Variants in POU6F2 observed in about 807,000 individuals in gnomAD.
POU6F2 encodes POU domain, class 6, transcription factor 2.
POU6F2 carries 31 observed loss-of-function variants against 71.3 expected under a neutral mutation model. The ratio of observed to expected loss-of-function variants is 0.43; its 90% CI spans 0.33 to 0.59. The LOEUF (loss-of-function observed/expected upper bound fraction) is 0.59. POU6F2 is among the 20% of genes least tolerant of loss of function. The pLI is 0.04. For synonymous variants in POU6F2, 347 were observed against 355.7 expected (o/e 0.98, Z 0.27); for missense variants, 783 against 856.8 (o/e 0.91, Z 1.07).
intron 2 of POU6F2, among the ~76,000 whole-genome samples, chr7:39,187,910 A>G (rs1482828747): frequency 6.6e-6 from 1 of 152,208 alleles, no homozygotes; most frequent in Non-Finnish European, 1.5e-5. Flanking sequence ...CATATTAGCC[A>G]TATGAGTCTT....
At chr7:39,347,379 G>T (rs1051002970) in intron 5 of POU6F2, among the ~76,000 whole-genome samples, 2 of 152,156 alleles carry the variant, frequency 1.3e-5, no homozygotes, top group African/African-American at 4.8e-5. Flanking sequence ...GCTAATAATT[G>T]CATGTCAGTT....
chr7:39,408,268 T>C (rs1018025228), intron 6 of POU6F2, among the ~76,000 whole-genome samples: 1 of 152,240 alleles, frequency 6.6e-6, no homozygotes, highest in Non-Finnish European at 1.5e-5. Context: ...CCGACAGATA[T>C]TTCCTTCTGA....
At chr7:39,219,414 T>C (rs528079276) in intron 4 of POU6F2, among the ~76,000 whole-genome samples, 151 of 152,286 alleles carry the variant, frequency 9.9e-4, no homozygotes, top group African/African-American at 3.4e-3. Context: ...TTTGAGTCCT[T>C]TTTTCCCTTC....
At chr7:39,033,074 A>G (rs1048261742) in intron 1 of POU6F2, among the ~76,000 whole-genome samples, 1 of 152,214 alleles carries the variant, frequency 6.6e-6, no homozygotes, top group African/African-American at 2.4e-5. Context: ...AGGAGCAAAA[A>G]GAAACTTTCC....
At chr7:39,235,890 T>C (rs925121531) in intron 4 of POU6F2, among the ~76,000 whole-genome samples, 8 of 152,116 alleles carry the variant, frequency 5.3e-5, no homozygotes. Context: ...GATGTCTTCT[T>C]TCCAATCGAG....
chr7:39,378,297 G>A (rs531358886), intron 5 of POU6F2, among the ~76,000 whole-genome samples: 2 of 152,232 alleles, frequency 1.3e-5, no homozygotes, highest in African/African-American at 4.8e-5. Flanking sequence ...ACCATCCTGG[G>A]CTACCCTGCA....
intron 2 of POU6F2, among the ~76,000 whole-genome samples, chr7:39,162,139 G>A (rs1038228905): frequency 2.0e-5 from 3 of 152,152 alleles, no homozygotes; most frequent in Non-Finnish European, 2.9e-5. Context: ...GACTGTGTCT[G>A]TAGAACACAG....
intron 4 of POU6F2, among the ~76,000 whole-genome samples, chr7:39,241,553 G>A (rs745551488): frequency 9.2e-5 from 14 of 151,984 alleles, no homozygotes; most frequent in Non-Finnish European, 1.3e-4. Flanking sequence ...CATTTGTGGG[G>A]AGAGTTTGAT....
intron 1 of POU6F2, among the ~76,000 whole-genome samples, chr7:38,994,723 G>A (rs1272730930): frequency 6.6e-6 from 1 of 150,682 alleles, no homozygotes; most frequent in African/African-American, 2.5e-5. Context: ...TCCCCTCCCT[G>A]GTTCCCTGGT....
At chr7:39,030,915 T>C (rs902064911) in intron 1 of POU6F2, among the ~76,000 whole-genome samples, 15 of 152,106 alleles carry the variant, frequency 9.9e-5, no homozygotes, top group African/African-American at 3.4e-4. Flanking sequence ...ATTTATTTAG[T>C]TTTTGAGACA....
intron 1 of POU6F2, among the ~76,000 whole-genome samples, chr7:39,082,793 T>C (rs1296788409): frequency 1.5e-5 from 1 of 67,348 alleles, no homozygotes; most frequent in Non-Finnish European, 3.2e-5. Context: ...AACCATGTCA[T>C]GCACACACAC....
At chr7:38,979,672 T>C (rs1350592752) in intron 1 of POU6F2, among the ~76,000 whole-genome samples, 1 of 152,038 alleles carries the variant, frequency 6.6e-6, no homozygotes, top group Non-Finnish European at 1.5e-5. Flanking sequence ...GAAATAAATA[T>C]CTGTTACAAT....
intron 4 of POU6F2, among the ~76,000 whole-genome samples, chr7:39,265,777 C>T (rs11973905): frequency 0.27 from 41,304 of 151,890 alleles, 6,286 homozygotes; most frequent in African/African-American, 0.41. Context: ...AAAATGTAAT[C>T]CTACAGTGCT....
intron 1 of POU6F2, among the ~76,000 whole-genome samples, chr7:39,056,204 T>C (rs1410569629): frequency 6.6e-6 from 1 of 152,060 alleles, no homozygotes; most frequent in Non-Finnish European, 1.5e-5. Context: ...TAAAACATGG[T>C]TATTGTGAAG....
chr7:39,405,535 A>T (rs1787404262), intron 5 of POU6F2, among the ~76,000 whole-genome samples: 1 of 152,160 alleles, frequency 6.6e-6, no homozygotes, highest in South Asian at 2.1e-4. Context: ...ATTATTTCCA[A>T]CACAACAATT....
intron 4 of POU6F2, among the ~76,000 whole-genome samples, chr7:39,216,780 C>A (rs1480877304): frequency 6.6e-6 from 1 of 151,896 alleles, no homozygotes; most frequent in Admixed American, 6.6e-5. Context: ...GAAATTGAAA[C>A]TAGGAAAATC....
At chr7:39,179,533 G>GCACA (rs564316167) in intron 2 of POU6F2, among the ~76,000 whole-genome samples, 40 of 151,546 alleles carry the variant, frequency 2.6e-4, no homozygotes, top group African/African-American at 5.6e-4. Flanking sequence ...GCACATGCGC[G>GCACA]CACACACACA....
At chr7:39,260,229 C>G (rs1048561336) in intron 4 of POU6F2, among the ~76,000 whole-genome samples, 11 of 149,230 alleles carry the variant, frequency 7.4e-5, no homozygotes, top group Non-Finnish European at 7.5e-5. Flanking sequence ...TATACACATG[C>G]AATACACACA....
intron 1 of POU6F2, among the ~76,000 whole-genome samples, chr7:38,991,448 G>A (rs930907557): frequency 6.6e-6 from 1 of 152,078 alleles, no homozygotes; most frequent in Non-Finnish European, 1.5e-5. Context: ...TGGAAAGTTT[G>A]GGTCTGAGGA....
Sources: gnomAD v4.1 joint callset for allele counts (sites outside exome capture counted in the v4.1 genomes callset) on GRCh38, gnomAD v4.1.1 for gene constraint, MANE v1.5 for transcripts, NCBI Gene and HGNC (gene_info 2026-07-23, HGNC 2026-07-21) for gene names.